The following HKDC1 variants were observed in gnomAD, a reference collection of about 807,000 sequenced individuals.
The protein encoded by HKDC1 is hexokinase HKDC1.
Under a neutral mutation model 96.6 loss-of-function variants are expected in HKDC1, and 66 were observed. That is an observed-to-expected ratio of 0.68 (90% CI 0.56 to 0.84). The LOEUF (loss-of-function observed/expected upper bound fraction) is 0.84, where lower values mean the gene tolerates loss of function less well. Among genes scored for constraint, HKDC1 ranks in the 40% least tolerant of loss-of-function variants. HKDC1 has a pLI of 0.00. For synonymous variants in HKDC1, 466 were observed against 473.1 expected (o/e 0.98, Z 0.20); for missense variants, 1,211 against 1,208.1 (o/e 1.00, Z -0.04).
chr10:69,237,859 G>A (rs1843388387), intron 4 of HKDC1, among the ~76,000 whole-genome samples: 1 of 152,172 alleles, frequency 6.6e-6, no homozygotes, highest in Non-Finnish European at 1.5e-5. Flanking sequence ...GAAATTCAGA[G>A]CAATTTCCTC....
At chr10:69,232,500 A>G in intron 2 of HKDC1, 1 of 483,844 alleles carries the variant, frequency 2.1e-6, no homozygotes, top group Non-Finnish European at 3.7e-6. Context: ...TGCCCTCTCC[A>G]GTTGACATGC....
chr10:69,232,657 G>C (rs874557), intron 2 of HKDC1, 107 bp from the exon 3 acceptor site: 2 of 1,014,876 alleles, frequency 2.0e-6, no homozygotes, highest in Admixed American at 3.9e-5. Flanking sequence ...ATGATACCTA[G>C]TGGCTGTGAT....
Position 69,250,513 on chromosome 10 carries a change from C to G in HKDC1, c.1717-20C>G, listed in dbSNP as rs78582637. On this transcript the variant is annotated intron_variant, in intron 11 of 17. Coordinates refer to ENST00000354624, the MANE Select transcript of HKDC1 (RefSeq NM_025130.4). ...ATCGATGTCCGCCTGGTGTGAATGC[C>G]GCTCTCTCTCTCTCTGCAGCTCTTT... 17,483 of 1,613,640 alleles carry G rather than the reference C, an allele frequency of 0.011. 1,634 individuals are homozygous for G. The African/African-American group carries it at 0.21, about 19-fold the overall frequency.
Position 69,250,337 on chromosome 10 carries a change from G to C in HKDC1, c.1618G>C (p.Val540Leu). The change falls in exon 11 of 18, where the codon GTC (valine) becomes CTC (leucine). Residue 540 changes from valine to leucine, a missense_variant. Val to Leu is a conservative substitution (Grantham distance 32, BLOSUM62 1). Coordinates refer to ENST00000354624, the MANE Select transcript of HKDC1 (RefSeq NM_025130.4). Reference protein sequence around the residue: ...ALDLGGTNFRVLLVKIRSGRR... With the variant: ...ALDLGGTNFRLLLVKIRSGRR... The stretch of plus-strand genomic sequence containing the variant: ...GGATCTTGGGGGAACCAACTTCCGG[G>C]TCCTCCTGGTGAAGATCAGAAGTGG... 6.2e-7 allele frequency: 1 copy of C among 1,614,090 alleles called. No individual in the cohort carries two copies. Among genetic ancestry groups the C allele is most frequent in the Non-Finnish European group, 8.5e-7 (1 of 1,179,976 alleles).
intron 10 of HKDC1, 95 bp downstream of exon 10, chr10:69,248,823 G>A (rs905804440): frequency 1.4e-5 from 16 of 1,181,892 alleles, no homozygotes; most frequent in Admixed American, 1.2e-4. Context: ...AGAAACTTGG[G>A]TTCACGTCTC....
At chr10:69,220,887 C>T (rs1171669312) in intron 1 of HKDC1, among the ~76,000 whole-genome samples, 1 of 152,170 alleles carries the variant, frequency 6.6e-6, no homozygotes, top group South Asian at 2.1e-4. Flanking sequence ...CAGTGGCTCA[C>T]GCCTGTAATC....
intron 1 of HKDC1, among the ~76,000 whole-genome samples, chr10:69,225,317 TC>T (rs1843137867): frequency 6.6e-6 from 1 of 152,146 alleles, no homozygotes; most frequent in Admixed American, 6.5e-5. Flanking sequence ...ACATACAGCA[TC>T]CCACCCTTCC....
At chr10:69,236,422 A>C (rs931388245) in intron 4 of HKDC1, among the ~76,000 whole-genome samples, 2 of 150,982 alleles carry the variant, frequency 1.3e-5, no homozygotes, top group African/African-American at 4.9e-5. Flanking sequence ...ATTTTGACCC[A>C]CTTAGTGTCA....
intron 16 of HKDC1, among the ~76,000 whole-genome samples, chr10:69,264,916 C>T (rs1026753344): frequency 3.3e-5 from 5 of 152,144 alleles, no homozygotes; most frequent in African/African-American, 1.2e-4. Context: ...GCCAGCCTGC[C>T]CCTATGATGG....
chr10:69,243,486 T>C, intron 7 of HKDC1, 121 bp downstream of exon 7: 1 of 862,880 alleles, frequency 1.2e-6, no homozygotes, highest in Non-Finnish European at 1.7e-6. Context: ...CTTTCTTTCT[T>C]TTTTTCTTTT....
At chr10:69,228,057 C>A (rs907601834) in intron 2 of HKDC1, among the ~76,000 whole-genome samples, 2 of 152,146 alleles carry the variant, frequency 1.3e-5, no homozygotes, top group African/African-American at 2.4e-5. Flanking sequence ...CGAATATATT[C>A]TCTGACAGTT....
At chr10:69,244,801 G>A (rs1162943657) in intron 7 of HKDC1, among the ~76,000 whole-genome samples, 1 of 152,036 alleles carries the variant, frequency 6.6e-6, no homozygotes, top group Non-Finnish European at 1.5e-5. Flanking sequence ...ACTCCAGCCT[G>A]GGCAACAGAG....
intron 2 of HKDC1, among the ~76,000 whole-genome samples, chr10:69,231,840 G>A (rs1471231261): frequency 6.6e-6 from 1 of 152,146 alleles, no homozygotes; most frequent in Non-Finnish European, 1.5e-5. Flanking sequence ...CTTACTTGGT[G>A]CATAATATAT....
At chr10:69,251,506 G>A (rs925640526) in intron 12 of HKDC1, among the ~76,000 whole-genome samples, 6 of 152,144 alleles carry the variant, frequency 3.9e-5, no homozygotes, top group African/African-American at 1.2e-4. Context: ...GAAGCAGCTT[G>A]TCAATTTCTG....
rs1224497623 is a variant in HKDC1, at chr10:69,258,974, T to A, written c.2216+15T>A. 1 of 1,531,862 alleles carries A rather than the reference T, an allele frequency of 6.5e-7. No homozygotes were observed. The highest frequency in any genetic ancestry group is 1.3e-5 in the South Asian group (1 of 77,058). 94.9% of individuals were successfully genotyped at this position (1,531,862 alleles called of 1,614,324 possible). A position where few individuals can be genotyped will look rare whatever the true frequency, so the allele number is the denominator to read the frequency against. On this transcript the variant is annotated intron_variant, in intron 15 of 17. Transcript: ENST00000354624. ...GGCAAGCAGAGGTGAAGAGGGTGGA[T>A]GTGTGCATTTATGTGGGTTGTGTAG...
intron 1 of HKDC1, among the ~76,000 whole-genome samples, chr10:69,221,043 G>A (rs374641746): frequency 5.9e-5 from 9 of 152,128 alleles, no homozygotes; most frequent in African/African-American, 1.9e-4. Context: ...CCATCTACTC[G>A]GGAGGCTGAG....
chr10:69,250,545 A>G lies in HKDC1; in HGVS notation c.1729A>G (p.Ile577Val). 1 of 1,614,028 alleles carries G rather than the reference A, an allele frequency of 6.2e-7. No individual in the cohort carries two copies. The highest frequency in any genetic ancestry group is 8.5e-7 in the Non-Finnish European group (1 of 1,180,012). Residue 577 changes from isoleucine (I) to valine (V), a missense_variant, in exon 12 of 18, where the codon ATT (isoleucine) becomes GTT (valine). Ile to Val is a conservative substitution (Grantham distance 29). Transcript: ENST00000354624. ...TCTCTCTCTGCAGCTCTTTGATCAC[A>G]TTGTGCAGTGCATCGCCGACTTCCT... is the stretch of plus-strand genomic sequence containing the variant. ...QGTGEELFDH[I>V]VQCIADFLDY...
intron 2 of HKDC1, among the ~76,000 whole-genome samples, chr10:69,231,227 G>A (rs1344833976): frequency 1.3e-5 from 2 of 152,120 alleles, no homozygotes; most frequent in Non-Finnish European, 2.9e-5. Context: ...AGTCTATTCT[G>A]GTTGGTGTCA....
intron 4 of HKDC1, among the ~76,000 whole-genome samples, chr10:69,235,871 G>A (rs1032059653): frequency 3.9e-5 from 6 of 152,106 alleles, no homozygotes; most frequent in Admixed American, 2.6e-4. Context: ...TGTACCTCGC[G>A]CTGTGCCAAA....
Sources: gnomAD v4.1 joint callset for allele counts (sites outside exome capture counted in the v4.1 genomes callset) on GRCh38, gnomAD v4.1.1 for gene constraint, MANE v1.5 for transcripts, NCBI Gene and HGNC (gene_info 2026-07-23, HGNC 2026-07-21) for gene names.